SIDT2: variants seen among roughly 807,000 people sequenced by gnomAD.
SIDT2 encodes the protein SID1 transmembrane family member 2.
A neutral mutation model predicts 114.4 loss-of-function variants in SIDT2; 68 were observed. The ratio of observed to expected loss-of-function variants is 0.59; its 90% confidence interval spans 0.49 to 0.73. SIDT2 has a LOEUF of 0.73. Ranked by LOEUF, SIDT2 falls within the 30% of genes least tolerant of loss-of-function variation. SIDT2 has a pLI of 0.00. For missense variants in SIDT2, 918 were observed against 1,097.1 expected, an observed-to-expected ratio of 0.84 and a Z score of 2.31; for synonymous variants, 470 against 438.4, an observed-to-expected ratio of 1.07 and a Z score of -0.90.
chr11:117,192,319 G>A lies in SIDT2; in HGVS notation c.1938G>A (p.Leu646=), dbSNP rs1245592985. Residue 646 remains leucine, a synonymous_variant, in exon 20 of 26, where the codon CTG becomes CTA. Transcript: ENST00000324225. The surrounding 1 kb of genome is among the most constrained non-coding windows in gnomAD (Gnocchi z 5.9). ...VFSIIHIIAT[L]LLSTQLYYMG... is the part of the protein sequence containing the mutation. ...CCATCATTCACATCATCGCCACCCTGCTCCTCAGCACGCAGCTCTATTACA... is the reference window on the plus strand; with the variant it reads ...CCATCATTCACATCATCGCCACCCTACTCCTCAGCACGCAGCTCTATTACA... The A allele has an allele frequency of 6.2e-7, 1 of 1,612,132 alleles. No homozygotes were observed. Among genetic ancestry groups the A allele is most frequent in the South Asian group, 1.1e-5 (1 of 91,044 alleles).
chr11:117,184,212 G>T (rs1299111326), intron 8 of SIDT2, 73 bp downstream of exon 8: 1 of 1,478,088 alleles, frequency 6.8e-7, no homozygotes, highest in Non-Finnish European at 9.4e-7. Flanking sequence ...GGGATATAGG[G>T]TGTGCCCTGA....
rs1257663107 is a variant in SIDT2 at position 117,197,277 on chromosome 11, T to C, written c.*1211T>C. On this transcript the variant is annotated 3_prime_UTR_variant, in exon 26 of 26. Coordinates refer to ENST00000324225, the MANE Select transcript of SIDT2 (RefSeq NM_001040455.2). Reference sequence around the variant, plus strand: ...GATGGGGGAGCTCAGGCGGGGCCTCTGCTTTGGGGATGGGAATGTGTTTTT... The same window carrying C: ...GATGGGGGAGCTCAGGCGGGGCCTCCGCTTTGGGGATGGGAATGTGTTTTT... 6.6e-6 allele frequency: 1 copy of C among 152,652 alleles called. No homozygotes were observed. The highest frequency in any genetic ancestry group is 1.9e-4 in the East Asian group (1 of 5,202). 9.5% of individuals were successfully genotyped at this position (152,652 alleles called of 1,614,324 possible). A position where few individuals can be genotyped will look rare whatever the true frequency, so the allele number is the denominator to read the frequency against.
chr11:117,195,888 C>T lies in SIDT2; in HGVS notation c.2409C>T (p.Ser803=), dbSNP rs1421910836. The change falls in exon 25 of 26, where the codon TCC becomes TCT. Residue 803 remains serine (S), a synonymous_variant. Transcript: ENST00000324225. ...FDDHDIWHFL[S]SIAMFGSFLV... is the part of the protein sequence containing the mutation. ...ACCACGACATCTGGCACTTCCTCTC[C>T]TCCATCGCCATGTTCGGGTCCTTCC... 33 of 1,614,148 alleles carry T rather than the reference C, an allele frequency of 2.0e-5. No individual in the cohort carries two copies. The highest frequency in any genetic ancestry group is 2.6e-5 in the Non-Finnish European group (31 of 1,180,058).
In SIDT2 at chr11:117,189,343, CCA is replaced by C. The variant is rs1444965855; in HGVS notation, c.1363_1364del (p.Thr455HisfsTer80). On this transcript the variant is annotated frameshift_variant, in exon 15 of 26. Transcript: ENST00000324225. LOFTEE classifies it high-confidence loss of function. ...GCCCTCCTGCTCCGCAGGAACATTG[CCA>C]CCATTGCTGTCTTCTATGCCCTTCC... 8.1e-6 allele frequency: 13 copies of C among 1,614,232 alleles called. No individual in the cohort carries two copies. Among genetic ancestry groups the C allele is most frequent in the Non-Finnish European group, 1.0e-5 (12 of 1,180,024 alleles).
intron 7 of SIDT2, 95 bp from the exon 8 acceptor site, chr11:117,183,979 A>T: frequency 2.0e-6 from 3 of 1,525,768 alleles, no homozygotes; most frequent in Non-Finnish European, 2.7e-6. Flanking sequence ...CTGATAGGAC[A>T]TGGGTTTTTG....
chr11:117,190,570 T>C lies in SIDT2; in HGVS notation c.1618-53T>C. 1.4e-6 allele frequency: 2 copies of C among 1,456,420 alleles called. No individual in the cohort carries two copies. Among genetic ancestry groups the C allele is most frequent in the Non-Finnish European group, 1.9e-6 (2 of 1,061,736 alleles). 90.2% of individuals were successfully genotyped at this position (1,456,420 alleles called of 1,614,324 possible). ...TAGGGTCCCTCTTTTGGGTCCCTTCTTCCCTTCCTGCCTCACTTCCTCCCT... is the reference window on the plus strand; with the variant it reads ...TAGGGTCCCTCTTTTGGGTCCCTTCCTCCCTTCCTGCCTCACTTCCTCCCT... On this transcript the variant is annotated intron_variant, in intron 17 of 25. Transcript: ENST00000324225. This position sits in a 1 kb window ranked among gnomAD's most constrained non-coding sequence, Gnocchi z 4.1.
At chr11:117,186,739 T>A in intron 10 of SIDT2, 103 bp downstream of exon 10, 1 of 832,266 alleles carries the variant, frequency 1.2e-6, no homozygotes, top group Non-Finnish European at 1.7e-6. Context: ...GGGCTGGGGG[T>A]TTCTGGATGT....
chr11:117,187,054 A>T (rs1449932989), intron 10 of SIDT2: 1 of 1,454,796 alleles, frequency 6.9e-7, no homozygotes, highest in Non-Finnish European at 9.1e-7. Flanking sequence ...TAGGGGAGGG[A>T]GGGTGCAGCA....
At chr11:117,182,453 C>T in intron 4 of SIDT2, 66 bp from the exon 5 acceptor site, 1 of 1,437,328 alleles carries the variant, frequency 7.0e-7, no homozygotes, top group East Asian at 2.3e-5. Context: ...GGGACTATTC[C>T]CTTCTAGAGG....
chr11:117,195,952 G>A, intron 25 of SIDT2, 37 bp downstream of exon 25: 1 of 1,614,256 alleles, frequency 6.2e-7, no homozygotes, highest in Non-Finnish European at 8.5e-7. Flanking sequence ...GTGGGTACGT[G>A]AAGGTAGCAG....
Position 117,182,255 on chromosome 11 carries a change from G to T in SIDT2, c.516+150G>T, listed in dbSNP as rs878929667. The stretch of plus-strand genomic sequence containing the variant: ...AAACAGGAGCTCTGGCCCTGACATG[G>T]TGAGGGACAGACAGCATGGGACTGT... On this transcript the variant is annotated intron_variant, in intron 4 of 25. Transcript: ENST00000324225. The T allele has an allele frequency of 9.9e-6, 9 of 908,946 alleles. No homozygotes were observed. In the South Asian group the frequency reaches 1.5e-4, roughly 15 times the overall value. 56.3% of individuals were successfully genotyped at this position (908,946 alleles called of 1,614,324 possible).
chr11:117,194,187 C>T, intron 24 of SIDT2: 1 of 442,644 alleles, frequency 2.3e-6, no homozygotes, highest in Non-Finnish European at 4.1e-6. Flanking sequence ...TGGTGGTATT[C>T]ACCAGTAGTC....
chr11:117,188,057 C>T lies in SIDT2; in HGVS notation c.1159+358C>T. ...GAAAGATTCTATGTGCATGGCTTCC[C>T]CATGTAATTCCAGTAATTGCCCGCT... On this transcript the variant is annotated intron_variant, in intron 12 of 25. Coordinates refer to ENST00000324225, the MANE Select transcript of SIDT2 (RefSeq NM_001040455.2). This position sits in a 1 kb window ranked among gnomAD's most constrained non-coding sequence, Gnocchi z 4.0. The T allele has an allele frequency of 2.0e-6, 1 of 491,828 alleles. No individual in the cohort carries two copies. Among genetic ancestry groups the T allele is most frequent in the Non-Finnish European group, 4.0e-6 (1 of 252,758 alleles). 30.5% of individuals were successfully genotyped at this position (491,828 alleles called of 1,614,324 possible).
intron 15 of SIDT2, 141 bp downstream of exon 15, chr11:117,189,542 A>G: frequency 1.2e-6 from 1 of 866,666 alleles, no homozygotes; most frequent in Non-Finnish European, 1.8e-6. Flanking sequence ...CGAGTGACCC[A>G]GGGCAAATCA....
intron 1 of SIDT2, 136 bp downstream of exon 1, chr11:117,179,582 C>T: frequency 1.2e-6 from 1 of 829,988 alleles, no homozygotes; most frequent in Non-Finnish European, 1.8e-6. Flanking sequence ...CAGAACCACA[C>T]TGGAGCCTCT....
rs1591770602 is a variant in SIDT2 at position 117,190,520 on chromosome 11, A to C, written c.1618-103A>C. ...CACACCCACACTCGACACATACCCC[A>C]CCCCTTTTCCTCTTCCACTCCTCTT... On this transcript the variant is annotated intron_variant, in intron 17 of 25. Transcript: ENST00000324225. This position sits in a 1 kb window ranked among gnomAD's most constrained non-coding sequence, Gnocchi z 4.1. 5 of 680,964 alleles carry C rather than the reference A, an allele frequency of 7.3e-6. No homozygotes were observed. The highest frequency in any genetic ancestry group is 4.1e-5 in the Admixed American group (1 of 24,622). 42.2% of individuals were successfully genotyped at this position (680,964 alleles called of 1,614,324 possible). A position where few individuals can be genotyped will look rare whatever the true frequency, so the allele number is the denominator to read the frequency against.
At position 117,196,920 on chromosome 11, in the gene SIDT2, A is replaced by G. The variant is rs1348352357; in HGVS notation, c.*854A>G. 6.6e-6 allele frequency: 1 copy of G among 152,616 alleles called. No individual in the cohort carries two copies. Among genetic ancestry groups the G allele is most frequent in the Non-Finnish European group, 1.5e-5 (1 of 68,094 alleles). The allele number at this position is 152,616 out of a possible 1,614,324, so 9.5% of individuals were successfully genotyped here. ...CTGGTGGCCTTTCAGTGCCATTGAC[A>G]CTGCCCAAGAATGTCCAGGGGCAAA... On this transcript the variant is annotated 3_prime_UTR_variant, in exon 26 of 26. Coordinates refer to ENST00000324225, the MANE Select transcript of SIDT2 (RefSeq NM_001040455.2). This position sits in a 1 kb window ranked among gnomAD's most constrained non-coding sequence, Gnocchi z 4.9.
chr11:117,192,575 C>T lies in SIDT2; in HGVS notation c.1983C>T (p.Asp661=), dbSNP rs1185920394. 6.2e-7 allele frequency: 1 copy of T among 1,608,750 alleles called. No homozygotes were observed. Among genetic ancestry groups the T allele is most frequent in the East Asian group, 2.2e-5 (1 of 44,894 alleles). The change falls in exon 21 of 26, where the codon GAC becomes GAT. Residue 661 remains aspartate (D), a splice_region_variant and synonymous_variant. Transcript: ENST00000324225. The surrounding 1 kb of genome is among the most constrained non-coding windows in gnomAD (Gnocchi z 5.9). ...QLYYMGRWKL[D]SGIFRRILHV... ...AGCACCACTCCCTTCTCTTCGCAGA[C>T]TCGGGGATCTTCCGCCGCATCCTCC...
At chr11:117,187,280 C>G in intron 10 of SIDT2, 98 bp from the exon 11 acceptor site, 1 of 1,221,910 alleles carries the variant, frequency 8.2e-7, no homozygotes, top group Non-Finnish European at 1.2e-6. Context: ...GGCATGGCCT[C>G]CCTGTGGCTG....
Sources: gnomAD v4.1 joint callset for allele counts on GRCh38, gnomAD v4.1.1 for gene constraint, Gnocchi (gnomAD v3.1) non-coding constraint, MANE v1.5 for transcripts, NCBI Gene and HGNC (gene_info 2026-07-23, HGNC 2026-07-21) for gene names.